Variants in NCAM2 observed in about 807,000 individuals in gnomAD.
NCAM2 encodes the protein neural cell adhesion molecule 2.
A neutral mutation model predicts 98.1 loss-of-function variants in NCAM2; 30 were observed. The ratio of observed to expected loss-of-function variants is 0.31; its 90% CI spans 0.23 to 0.41. The LOEUF (loss-of-function observed/expected upper bound fraction) is 0.41. NCAM2 is among the 10% of genes least tolerant of loss of function. NCAM2 has a pLI of 1.00. For synonymous variants in NCAM2, 368 were observed against 342.4 expected (o/e 1.07, Z -0.83); for missense variants, 867 against 1,005.8 (o/e 0.86, Z 1.87).
intron 1 of NCAM2, among the ~76,000 whole-genome samples, chr21:21,108,395 C>A (rs375415018): frequency 6.6e-6 from 1 of 151,968 alleles, no homozygotes; most frequent in African/African-American, 2.4e-5. Flanking sequence ...TGGCCATTGA[C>A]GGCACTTTCA....
intron 12 of NCAM2, among the ~76,000 whole-genome samples, chr21:21,439,122 C>CTTT (rs34655565): frequency 1.2e-3 from 176 of 145,692 alleles, no homozygotes; most frequent in African/African-American, 3.2e-3. Flanking sequence ...TAAGTACTTC[C>CTTT]TTTTTTTTTT....
At chr21:21,441,200 T>A (rs232413) in intron 12 of NCAM2, among the ~76,000 whole-genome samples, 14 of 152,070 alleles carry the variant, frequency 9.2e-5, no homozygotes, top group Admixed American at 7.2e-4. Flanking sequence ...ACATGTTTCA[T>A]GTCTACAAAA....
chr21:21,009,963 A>G (rs2064179175), intron 1 of NCAM2, among the ~76,000 whole-genome samples: 1 of 148,304 alleles, frequency 6.7e-6, no homozygotes. Context: ...TTCAGTGATA[A>G]AAGCATTTAA....
intron 1 of NCAM2, among the ~76,000 whole-genome samples, chr21:21,146,552 T>C (rs542209539): frequency 0.021 from 845 of 41,124 alleles, 36 homozygotes; most frequent in Admixed American, 0.17. Context: ...ACAGGATATA[T>C]ATATGTATAT....
intron 1 of NCAM2, among the ~76,000 whole-genome samples, chr21:21,233,296 A>G (rs2070699796): frequency 6.6e-6 from 1 of 151,662 alleles, no homozygotes; most frequent in Non-Finnish European, 1.5e-5. Flanking sequence ...AAGATGTTCA[A>G]CCATTCTTCT....
intron 1 of NCAM2, among the ~76,000 whole-genome samples, chr21:21,196,334 C>T (rs2069003470): frequency 6.6e-6 from 1 of 152,208 alleles, no homozygotes; most frequent in South Asian, 2.1e-4. Flanking sequence ...TTCTTCCCAA[C>T]ACAAGATAAC....
chr21:21,004,461 A>G (rs1179264428), intron 1 of NCAM2, among the ~76,000 whole-genome samples: 1 of 152,106 alleles, frequency 6.6e-6, no homozygotes, highest in Non-Finnish European at 1.5e-5. Flanking sequence ...AGATTTTCCA[A>G]CTTCCAGTTG....
chr21:21,459,051 A>G (rs181998680), intron 12 of NCAM2, among the ~76,000 whole-genome samples: 27 of 152,200 alleles, frequency 1.8e-4, no homozygotes, highest in Non-Finnish European at 2.6e-4. Context: ...CAGAATAGCT[A>G]TTTCCCAAAA....
chr21:21,245,026 A>G (rs540538050), intron 1 of NCAM2, among the ~76,000 whole-genome samples: 4 of 152,244 alleles, frequency 2.6e-5, no homozygotes, highest in African/African-American at 7.2e-5. Flanking sequence ...AAGGGGGTAT[A>G]CACACTCCAA....
rs1001921365 is a variant in NCAM2 at position 21,541,855 on chromosome 21, C to T, written c.*3898C>T. On this transcript the variant is annotated 3_prime_UTR_variant, in exon 18 of 18. Coordinates refer to ENST00000400546, the MANE Select transcript of NCAM2 (RefSeq NM_004540.5). ...ATGCTCATACTCATAATCATTATCACATAATGTGCTTATTCAACAAACTTT... is the reference window on the plus strand; with the variant it reads ...ATGCTCATACTCATAATCATTATCATATAATGTGCTTATTCAACAAACTTT... 4.0e-5 allele frequency: 6 copies of T among 151,760 alleles called. No individual in the cohort carries two copies. In the East Asian group the frequency reaches 9.6e-4, roughly 24 times the overall value. 9.4% of individuals were successfully genotyped at this position (151,760 alleles called of 1,614,324 possible).
At chr21:21,261,450 C>G (rs1042839296) in intron 1 of NCAM2, among the ~76,000 whole-genome samples, 6 of 152,012 alleles carry the variant, frequency 3.9e-5, no homozygotes, top group Admixed American at 3.9e-4. Context: ...GCTTGGTAAT[C>G]AAGCCAGTCT....
chr21:21,281,095 T>A (rs2072913226), intron 2 of NCAM2, among the ~76,000 whole-genome samples: 1 of 152,142 alleles, frequency 6.6e-6, no homozygotes, highest in South Asian at 2.1e-4. Flanking sequence ...CTGGCCATTG[T>A]TGGGCTTATA....
chr21:21,187,388 G>T (rs1014167383), intron 1 of NCAM2, among the ~76,000 whole-genome samples: 1 of 151,754 alleles, frequency 6.6e-6, no homozygotes, highest in Non-Finnish European at 1.5e-5. Context: ...ACTTTTTAAC[G>T]TTTCTTTCCC....
chr21:21,212,619 CA>C (rs2069701734), intron 1 of NCAM2, among the ~76,000 whole-genome samples: 1 of 151,904 alleles, frequency 6.6e-6, no homozygotes, highest in African/African-American at 2.4e-5. Context: ...ATATCATTGA[CA>C]ATATCATGGT....
At chr21:21,407,267 T>C (rs1316785418) in intron 9 of NCAM2, among the ~76,000 whole-genome samples, 2 of 152,360 alleles carry the variant, frequency 1.3e-5, no homozygotes, top group South Asian at 2.1e-4. Flanking sequence ...GCATATCCTG[T>C]ATAGACATTT....
intron 5 of NCAM2, among the ~76,000 whole-genome samples, chr21:21,303,996 T>A (rs1258673042): frequency 6.6e-6 from 1 of 152,208 alleles, no homozygotes; most frequent in Admixed American, 6.5e-5. Context: ...GAATTCTTTA[T>A]GTATTTGGAA....
Position 21,225,403 on chromosome 21 carries a change from TA to T in NCAM2, c.56-55167del, listed in dbSNP as rs961810955. 7.9e-5 allele frequency among the ~76,000 whole-genome samples: 12 copies of T among 151,878 alleles called. No homozygotes were observed. In the South Asian group the frequency reaches 1.3e-3, roughly 16 times the overall value. On this transcript the variant is annotated intron_variant, in intron 1 of 17. Coordinates refer to ENST00000400546, the MANE Select transcript of NCAM2 (RefSeq NM_004540.5). ...ACATCCTGCACATGTACCCCAGATC[TA>T]AAAAAAATACAAAAAATAACAAGTA...
chr21:21,531,920 G>GC (rs1296874299), intron 16 of NCAM2, among the ~76,000 whole-genome samples: 419 of 145,826 alleles, frequency 2.9e-3, no homozygotes, highest in Non-Finnish European at 5.2e-3. Flanking sequence ...GTGAACCCAG[G>GC]AGCGGAGCTT....
chr21:21,251,546 A>G (rs1303799292), intron 1 of NCAM2, among the ~76,000 whole-genome samples: 3 of 152,016 alleles, frequency 2.0e-5, no homozygotes, highest in Non-Finnish European at 4.4e-5. Flanking sequence ...TTATGTATCC[A>G]GTCTATCATT....
Sources: allele counts gnomAD v4.1 joint callset (sites outside exome capture counted in the v4.1 genomes callset), GRCh38; gene constraint gnomAD v4.1.1; transcripts MANE v1.5; gene names NCBI Gene and HGNC (gene_info 2026-07-23, HGNC 2026-07-21).